The following EXOC6B variants were observed in gnomAD, a reference collection of about 807,000 sequenced individuals.
EXOC6B encodes the protein SEC15 homolog B.
Under a neutral mutation model 113.5 loss-of-function variants are expected in EXOC6B, and 54 were observed. The observed-to-expected ratio is 0.48, with a 90% CI of 0.38 to 0.60. The LOEUF (loss-of-function observed/expected upper bound fraction) is 0.60. EXOC6B is among the 20% of genes least tolerant of loss of function. The probability of loss-of-function intolerance (pLI) is 0.00; values close to 1 mark genes in which losing one functional copy is unlikely to be tolerated. For missense variants in EXOC6B, 797 were observed against 977.5 expected (o/e 0.82, Z 2.46); for synonymous variants, 357 against 339.0 (o/e 1.05, Z -0.58).
intron 6 of EXOC6B, among the ~76,000 whole-genome samples, chr2:72,644,486 T>C (rs1196631606): frequency 6.6e-6 from 1 of 151,972 alleles, no homozygotes; most frequent in Non-Finnish European, 1.5e-5. Context: ...CACATAATTG[T>C]CAGATTCACC....
chr2:72,537,644 A>G (rs911063989), intron 8 of EXOC6B, among the ~76,000 whole-genome samples: 6 of 152,032 alleles, frequency 3.9e-5, no homozygotes, highest in African/African-American at 1.4e-4. Flanking sequence ...AAAAATACAT[A>G]TATATGGAGA....
intron 6 of EXOC6B, among the ~76,000 whole-genome samples, chr2:72,582,574 G>A (rs980174787): frequency 1.3e-5 from 2 of 150,670 alleles, no homozygotes; most frequent in Non-Finnish European, 3.0e-5. Flanking sequence ...CGCTCTTGTT[G>A]CCCAGGCTGG....
chr2:72,489,425 T>C (rs544826757), intron 16 of EXOC6B, among the ~76,000 whole-genome samples: 73 of 152,320 alleles, frequency 4.8e-4, no homozygotes, highest in African/African-American at 1.7e-3. Flanking sequence ...TTTTTACTTC[T>C]CTTAATTAAA....
intron 8 of EXOC6B, among the ~76,000 whole-genome samples, chr2:72,522,789 G>A (rs1464466149): frequency 6.6e-6 from 1 of 152,020 alleles, no homozygotes; most frequent in Non-Finnish European, 1.5e-5. Flanking sequence ...TATTTCACAT[G>A]TAATGTACAT....
At position 72,449,451 on chromosome 2, in the gene EXOC6B, G is replaced by A. The variant is rs188486630; in HGVS notation, c.1980+15709C>T. Among the ~76,000 whole-genome samples the A allele has an allele frequency of 5.0e-3, 748 of 150,256 alleles. 10 individuals are homozygous for A. Among genetic ancestry groups the A allele is most frequent in the African/African-American group, 0.017 (695 of 40,874 alleles). ...CTCCCAAAGTGCTGGAATTACAAGC[G>A]TGAGCCACCGCGCCTGGCCAGCATT... On this transcript the variant is annotated intron_variant, in intron 18 of 21. Transcript: ENST00000272427.
chr2:72,288,468 G>A (rs1685576262), intron 20 of EXOC6B, among the ~76,000 whole-genome samples: 1 of 151,880 alleles, frequency 6.6e-6, no homozygotes, highest in African/African-American at 2.4e-5. Flanking sequence ...CAATCAAATA[G>A]AGATCAATAT....
Position 72,575,617 on chromosome 2 carries a change from C to G in EXOC6B, c.721G>C (p.Gly241Arg). The G allele has an allele frequency of 1.2e-6, 2 of 1,609,342 alleles. No homozygotes were observed. Among genetic ancestry groups the G allele is most frequent in the South Asian group, 1.1e-5 (1 of 90,126 alleles). ...DNIVLQQPRI[G>R]SKRKSKKDAY... Reference sequence around the variant, plus strand: ...TCTTTCTTAGATTTCCTCTTGCTACCTATTCTGGGTTGTTGCAAGACGATG... The same window carrying G: ...TCTTTCTTAGATTTCCTCTTGCTACGTATTCTGGGTTGTTGCAAGACGATG... Residue 241 changes from glycine to arginine, a missense_variant, in exon 7 of 22, where the codon GGT (glycine) becomes CGT (arginine). Transcript: ENST00000272427.
At chr2:72,463,734 A>C (rs1020225229) in intron 18 of EXOC6B, 6 of 152,206 alleles carry the variant, frequency 3.9e-5, no homozygotes, top group Non-Finnish European at 8.8e-5. Context: ...GTTTCAGAGA[A>C]AAAGACTCAC....
chr2:72,395,988 T>C (rs1241073700), intron 18 of EXOC6B, among the ~76,000 whole-genome samples: 1 of 152,132 alleles, frequency 6.6e-6, no homozygotes, highest in Non-Finnish European at 1.5e-5. Flanking sequence ...GTGTCCCAGA[T>C]AGAATTAAAT....
At chr2:72,372,655 C>G (rs575857074) in intron 19 of EXOC6B, among the ~76,000 whole-genome samples, 2 of 152,156 alleles carry the variant, frequency 1.3e-5, no homozygotes, top group African/African-American at 4.8e-5. Flanking sequence ...ACCATCCTGG[C>G]TAACATGGTG....
intron 18 of EXOC6B, among the ~76,000 whole-genome samples, chr2:72,402,426 C>A (rs1693400364): frequency 6.6e-6 from 1 of 152,072 alleles, no homozygotes; most frequent in Non-Finnish European, 1.5e-5. Context: ...CCCATGAATT[C>A]ACTTTTGCCA....
At chr2:72,524,681 G>A (rs116720950) in intron 8 of EXOC6B, among the ~76,000 whole-genome samples, 1,861 of 152,166 alleles carry the variant, frequency 0.012, 37 homozygotes, top group African/African-American at 0.041. Context: ...TTCATAATGT[G>A]CTTATTTCAC....
At position 72,465,428 on chromosome 2, in the gene EXOC6B, T is replaced by C. The variant is rs928954214; in HGVS notation, c.1801-89A>G. The C allele has an allele frequency of 4.2e-6, 4 of 956,074 alleles. No homozygotes were observed. The African/African-American group carries it at 5.0e-5, about 12-fold the overall frequency. 59.2% of individuals were successfully genotyped at this position (956,074 alleles called of 1,614,324 possible). A position where few individuals can be genotyped will look rare whatever the true frequency, so the allele number is the denominator to read the frequency against. On this transcript the variant is annotated intron_variant, in intron 17 of 21. Transcript: ENST00000272427. ...GCTTAGAGCCATCTGACATATCCAT[T>C]AAGTAACTGGGAATATAACTGGGAA... is the stretch of plus-strand genomic sequence containing the variant.
chr2:72,269,735 T>C (rs899355309), intron 20 of EXOC6B, among the ~76,000 whole-genome samples: 4 of 152,182 alleles, frequency 2.6e-5, no homozygotes, highest in African/African-American at 9.7e-5. Flanking sequence ...CTTAACCTCT[T>C]TGAGCATTAG....
chr2:72,255,743 G>A (rs1352200183), intron 20 of EXOC6B, among the ~76,000 whole-genome samples: 1 of 152,204 alleles, frequency 6.6e-6, no homozygotes, highest in Non-Finnish European at 1.5e-5. Flanking sequence ...TGATTTAGGT[G>A]ATGAAATGTG....
intron 1 of EXOC6B, among the ~76,000 whole-genome samples, chr2:72,760,832 G>A (rs1238532232): frequency 6.6e-6 from 1 of 152,048 alleles, no homozygotes; most frequent in African/African-American, 2.4e-5. Context: ...TCAATACAAG[G>A]AATTAAAAAA....
chr2:72,228,568 A>G (rs1258339301), intron 20 of EXOC6B, among the ~76,000 whole-genome samples: 2 of 152,066 alleles, frequency 1.3e-5, no homozygotes, highest in African/African-American at 2.4e-5. Context: ...TTCCAGCTTC[A>G]TCCATGTCCC....
In EXOC6B at chr2:72,424,923, TATTTCATCA is replaced by T. The variant is rs1410453561; in HGVS notation, c.1980+40228_1980+40236del. On this transcript the variant is annotated intron_variant, in intron 18 of 21. Coordinates refer to ENST00000272427, the MANE Select transcript of EXOC6B (RefSeq NM_015189.3). ...TGTCATGGGGGTTTCTTGTACAGAT[TATTTCATCA>T]CCCAGGTATTAAGCCTAGGACCCAT... Among the ~76,000 whole-genome samples, 7 of 152,318 alleles carry T rather than the reference TATTTCATCA, an allele frequency of 4.6e-5. No homozygotes were observed. The East Asian group carries it at 1.2e-3, about 25-fold the overall frequency.
At chr2:72,182,953 AAAT>A in intron 21 of EXOC6B, 2 of 1,203,692 alleles carry the variant, frequency 1.7e-6, no homozygotes, top group Non-Finnish European at 2.1e-6. Context: ...AACAAAGTTA[AAAT>A]GGAAACATCA....
Sources: allele counts gnomAD v4.1 joint callset (sites outside exome capture counted in the v4.1 genomes callset), GRCh38; gene constraint gnomAD v4.1.1; transcripts MANE v1.5; gene names NCBI Gene and HGNC (gene_info 2026-07-23, HGNC 2026-07-21).